ATP2B2: variants seen among roughly 807,000 people sequenced by gnomAD.
ATP2B2 encodes the protein ATPase plasma membrane Ca2+ transporting 2, also known as plasma membrane calcium-transporting ATPase 2.
Under a neutral mutation model 120.0 loss-of-function variants are expected in ATP2B2, and 15 were observed. The observed-to-expected ratio is 0.12, with a 90% CI of 0.08 to 0.19. ATP2B2 has a LOEUF of 0.19. Among genes scored for constraint, ATP2B2 ranks in the 10% least tolerant of loss-of-function variants. The pLI is 1.00. For synonymous variants in ATP2B2, 694 were observed against 700.3 expected (o/e 0.99, Z 0.14); for missense variants, 1,045 against 1,719.8 (o/e 0.61, Z 6.94).
At chr3:10,650,874 G>A (rs774429250) in intron 1 of ATP2B2, among the ~76,000 whole-genome samples, 3 of 152,216 alleles carry the variant, frequency 2.0e-5, no homozygotes, top group East Asian at 3.9e-4. Context: ...CCAAGGCCAC[G>A]GGAGCCCACC....
intron 1 of ATP2B2, among the ~76,000 whole-genome samples, chr3:10,693,615 G>A (rs1291930870): frequency 6.6e-6 from 1 of 152,238 alleles, no homozygotes; most frequent in Non-Finnish European, 1.5e-5. Context: ...GCGGTGATAT[G>A]TTCCAGAGAT....
chr3:10,506,943 T>G (rs2066648172), upstream of ATP2B2, among the ~76,000 whole-genome samples: 1 of 151,950 alleles, frequency 6.6e-6, no homozygotes. Flanking sequence ...AACCCGGCCG[T>G]GCAGAGGGGC....
At chr3:10,694,880 C>G (rs983178824) in intron 1 of ATP2B2, among the ~76,000 whole-genome samples, 2 of 151,994 alleles carry the variant, frequency 1.3e-5, no homozygotes, top group East Asian at 1.9e-4. Flanking sequence ...GAGGTCAATG[C>G]TGATTTTGGC....
intron 1 of ATP2B2, among the ~76,000 whole-genome samples, chr3:10,460,141 G>A (rs1186326205): frequency 6.6e-6 from 1 of 152,220 alleles, no homozygotes; most frequent in African/African-American, 2.4e-5. Context: ...GATGGACGGA[G>A]GTCAGTGCTG....
chr3:10,629,751 C>T (rs1411723278), intron 1 of ATP2B2, among the ~76,000 whole-genome samples: 1 of 152,242 alleles, frequency 6.6e-6, no homozygotes, highest in Non-Finnish European at 1.5e-5. Flanking sequence ...TCCGCAAGCC[C>T]TCTTTATTTC....
chr3:10,494,194 G>C (rs146818485), intron 1 of ATP2B2, among the ~76,000 whole-genome samples: 1 of 152,080 alleles, frequency 6.6e-6, no homozygotes, highest in African/African-American at 2.4e-5. Context: ...GTGAGATTAA[G>C]GGAGAGATGG....
At chr3:10,629,183 C>A (rs2069792443) in intron 1 of ATP2B2, among the ~76,000 whole-genome samples, 1 of 152,156 alleles carries the variant, frequency 6.6e-6, no homozygotes, top group Non-Finnish European at 1.5e-5. Flanking sequence ...CGGTACTGCA[C>A]AGACTGCAGA....
intron 3 of ATP2B2, among the ~76,000 whole-genome samples, chr3:10,529,882 G>C (rs905474074): frequency 1.3e-5 from 2 of 152,174 alleles, no homozygotes; most frequent in African/African-American, 4.8e-5. Context: ...GAAGGCAGGG[G>C]ACTAGAGTGC....
chr3:10,472,306 C>G (rs1174410453), intron 1 of ATP2B2, among the ~76,000 whole-genome samples: 2 of 152,092 alleles, frequency 1.3e-5, no homozygotes, highest in Non-Finnish European at 2.9e-5. Context: ...GGTTCAGAAG[C>G]CCAAATGCAA....
chr3:10,514,474 CT>C (rs888419424), intron 3 of ATP2B2, among the ~76,000 whole-genome samples: 9 of 152,200 alleles, frequency 5.9e-5, no homozygotes, highest in African/African-American at 2.2e-4. Context: ...CCTTTGGGAT[CT>C]GCCTTTGGGG....
intron 2 of ATP2B2, among the ~76,000 whole-genome samples, chr3:10,417,079 C>G (rs1323437156): frequency 1.6e-3 from 118 of 72,404 alleles, no homozygotes; most frequent in African/African-American, 9.5e-3. Context: ...CGGGGGGGGG[C>G]GGGCAGAGGG....
intron 1 of ATP2B2, among the ~76,000 whole-genome samples, chr3:10,667,159 C>T (rs1306389038): frequency 6.6e-6 from 1 of 152,184 alleles, no homozygotes; most frequent in Non-Finnish European, 1.5e-5. Flanking sequence ...AGGTGGTCTC[C>T]ACCAACACCT....
chr3:10,529,051 G>A (rs962121972), intron 3 of ATP2B2, among the ~76,000 whole-genome samples: 24 of 152,358 alleles, frequency 1.6e-4, no homozygotes, highest in Non-Finnish European at 1.8e-4. Flanking sequence ...CCAGCCAAGC[G>A]GGGGTGATGG....
chr3:10,598,910 T>C (rs2068833878), intron 2 of ATP2B2, among the ~76,000 whole-genome samples: 1 of 152,206 alleles, frequency 6.6e-6, no homozygotes. Flanking sequence ...CTCTCAGCCA[T>C]GGATCTAATA....
intron 5 of ATP2B2, chr3:10,394,696 G>A (rs1037338284): frequency 2.3e-5 from 9 of 387,006 alleles, no homozygotes; most frequent in African/African-American, 1.9e-4. Flanking sequence ...GTCCTGGGAT[G>A]TGGGCAGAGT....
intron 1 of ATP2B2, among the ~76,000 whole-genome samples, chr3:10,482,154 G>A (rs1171694743): frequency 1.3e-5 from 2 of 152,206 alleles, no homozygotes; most frequent in Non-Finnish European, 2.9e-5. Flanking sequence ...CTAGTTGAGT[G>A]GATGAGTGAG....
intron 2 of ATP2B2, among the ~76,000 whole-genome samples, chr3:10,557,530 G>A (rs1173206412): frequency 6.6e-6 from 1 of 152,144 alleles, no homozygotes; most frequent in African/African-American, 2.4e-5. Context: ...GCTGGAGTGA[G>A]ACCCAGGAGC....
chr3:10,658,853 C>G (rs28827912), intron 1 of ATP2B2, among the ~76,000 whole-genome samples: 32,547 of 150,378 alleles, frequency 0.22, 5,963 homozygotes, highest in African/African-American at 0.5. Flanking sequence ...AGAAAGGTCG[C>G]GTTACCCACA....
chr3:10,506,349 G>A (rs916451705), upstream of ATP2B2, among the ~76,000 whole-genome samples: 2 of 152,108 alleles, frequency 1.3e-5, no homozygotes, highest in Non-Finnish European at 2.9e-5. Flanking sequence ...CACCAGCAGG[G>A]GTGTCTGCAT....
Sources: allele counts gnomAD v4.1 joint callset (sites outside exome capture counted in the v4.1 genomes callset), GRCh38; gene constraint gnomAD v4.1.1; transcripts MANE v1.5; gene names NCBI Gene and HGNC (gene_info 2026-07-23, HGNC 2026-07-21).